FAM53C: variants seen among roughly 807,000 people sequenced by gnomAD.
The protein encoded by FAM53C is protein FAM53C.
In FAM53C, 10 loss-of-function variants were observed where a neutral mutation model predicts 34.7. The observed-to-expected ratio is 0.29, with a 90% CI of 0.18 to 0.49. FAM53C has a LOEUF of 0.49. FAM53C is among the 20% of genes least tolerant of loss of function. FAM53C has a pLI of 0.99. For synonymous variants in FAM53C, 203 were observed against 203.6 expected, an observed-to-expected ratio of 1.00 and a Z score of 0.03; for missense variants, 442 against 515.3, an observed-to-expected ratio of 0.86 and a Z score of 1.38.
At position 138,345,168 on chromosome 5, in the gene FAM53C, C is replaced by T. The variant is rs765171056; in HGVS notation, c.480C>T (p.His160=). Residue 160 remains histidine, a synonymous_variant, in exon 4 of 5, where the codon CAC becomes CAT. Coordinates refer to ENST00000239906, the MANE Select transcript of FAM53C (RefSeq NM_016605.3). The surrounding 1 kb of genome is among the most constrained non-coding windows in gnomAD (Gnocchi z 6.3). ...SGGGGGPQVP[H]QSPPKRVSSL... ...GAGGGGGTGGGCCGCAGGTGCCTCACCAGAGCCCCCCAAAGCGGGTCTCCA... is the reference window on the plus strand; with the variant it reads ...GAGGGGGTGGGCCGCAGGTGCCTCATCAGAGCCCCCCAAAGCGGGTCTCCA... The T allele has an allele frequency of 1.9e-6, 3 of 1,614,218 alleles. No individual in the cohort carries two copies. Among genetic ancestry groups the T allele is most frequent in the South Asian group, 2.2e-5 (2 of 91,090 alleles).
At chr5:138,343,510 CAAAA>C (rs548727260) in intron 3 of FAM53C, among the ~76,000 whole-genome samples, 90 of 77,178 alleles carry the variant, frequency 1.2e-3, no homozygotes, top group African/African-American at 4.3e-3. Flanking sequence ...GATTCCATCT[CAAAA>C]AAAAAAAAAA....
At chr5:138,339,604 C>T (rs1760966818) in intron 1 of FAM53C, among the ~76,000 whole-genome samples, 1 of 151,758 alleles carries the variant, frequency 6.6e-6, no homozygotes, top group African/African-American at 2.4e-5. Flanking sequence ...GGGTAAAATC[C>T]TGCACTTAGG....
Position 138,345,705 on chromosome 5 carries a change from C to A in FAM53C, c.921+96C>A, listed in dbSNP as rs1489282973. The A allele has an allele frequency of 7.1e-7, 1 of 1,400,608 alleles. No individual in the cohort carries two copies. Among genetic ancestry groups the A allele is most frequent in the Non-Finnish European group, 9.7e-7 (1 of 1,031,014 alleles). The allele number at this position is 1,400,608 out of a possible 1,614,324, so 86.8% of individuals were successfully genotyped here. A position where few individuals can be genotyped will look rare whatever the true frequency, so the allele number is the denominator to read the frequency against. ...CCCCTAGCTTCATTACCCTGCCGCC[C>A]CCACCACCAACAGCACCTCCTTTAG... On this transcript the variant is annotated intron_variant, in intron 4 of 4. Coordinates refer to ENST00000239906, the MANE Select transcript of FAM53C (RefSeq NM_016605.3). This position sits in a 1 kb window ranked among gnomAD's most constrained non-coding sequence, Gnocchi z 6.3.
rs1761208308 is a variant in FAM53C at position 138,347,330 on chromosome 5, G to T, written c.*371G>T. ...CACTTGTGTCTTAGAATTTGGCCAG[G>T]GTGGGGGGTTGAGTCAGCCTCCTCA... On this transcript the variant is annotated 3_prime_UTR_variant, in exon 5 of 5. Coordinates refer to ENST00000239906, the MANE Select transcript of FAM53C (RefSeq NM_016605.3). 1 of 298,464 alleles carries T rather than the reference G, an allele frequency of 3.4e-6. No homozygotes were observed. Among genetic ancestry groups the T allele is most frequent in the Non-Finnish European group, 6.4e-6 (1 of 156,316 alleles). The allele number at this position is 298,464 out of a possible 1,614,324, so 18.5% of individuals were successfully genotyped here.
chr5:138,345,707 C>T lies in FAM53C; in HGVS notation c.921+98C>T, dbSNP rs1644622443. ...CCTAGCTTCATTACCCTGCCGCCCCCACCACCAACAGCACCTCCTTTAGCT... is the reference window on the plus strand; with the variant it reads ...CCTAGCTTCATTACCCTGCCGCCCCTACCACCAACAGCACCTCCTTTAGCT... On this transcript the variant is annotated intron_variant, in intron 4 of 4. Transcript: ENST00000239906. The surrounding 1 kb of genome is among the most constrained non-coding windows in gnomAD (Gnocchi z 6.3). The T allele has an allele frequency of 6.6e-6, 9 of 1,363,774 alleles. No individual in the cohort carries two copies. The South Asian group carries it at 9.8e-5, about 15-fold the overall frequency. The allele number at this position is 1,363,774 out of a possible 1,614,324, so 84.5% of individuals were successfully genotyped here.
In FAM53C at chr5:138,346,740, C is replaced by T; in HGVS notation, c.960C>T (p.Ala320=). 6.2e-7 allele frequency: 1 copy of T among 1,614,164 alleles called. No homozygotes were observed. The highest frequency in any genetic ancestry group is 8.5e-7 in the Non-Finnish European group (1 of 1,180,044). ...GAGGTCTTTGTCTCCAAGAAACAGC[C>T]CGGGAAGGCAGCAGCATCTCTCCAC... ...YSGGLCLQET[A]REGSSISPPW... is the part of the protein sequence containing the mutation. The change falls in exon 5 of 5, where the codon GCC becomes GCT. Residue 320 remains alanine (A), a synonymous_variant. Coordinates refer to ENST00000239906, the MANE Select transcript of FAM53C (RefSeq NM_016605.3).
chr5:138,341,264 G>C lies in FAM53C; in HGVS notation c.-72G>C, dbSNP rs947238443. ...GTGGCAGAAGACGGCTCACAAGTGA[G>C]GTCTGGAAGAACAACAGGGAAGACA... On this transcript the variant is annotated 5_prime_UTR_variant, in exon 2 of 5. Transcript: ENST00000239906. 2.3e-5 allele frequency: 30 copies of C among 1,288,472 alleles called. No individual in the cohort carries two copies. Among genetic ancestry groups the C allele is most frequent in the Non-Finnish European group, 3.2e-5 (28 of 883,456 alleles). 79.8% of individuals were successfully genotyped at this position (1,288,472 alleles called of 1,614,324 possible).
chr5:138,346,691 T>A lies in FAM53C; in HGVS notation c.922-11T>A. On this transcript the variant is annotated splice_polypyrimidine_tract_variant and intron_variant, in intron 4 of 4. Coordinates refer to ENST00000239906, the MANE Select transcript of FAM53C (RefSeq NM_016605.3). ...CTTCAGGTGTAACTGTCTTCTTTGTTTGTTTGACAGAAACCATACTCAGGA... is the reference window on the plus strand; with the variant it reads ...CTTCAGGTGTAACTGTCTTCTTTGTATGTTTGACAGAAACCATACTCAGGA... 1 of 1,614,014 alleles carries A rather than the reference T, an allele frequency of 6.2e-7. No individual in the cohort carries two copies. Among genetic ancestry groups the A allele is most frequent in the Non-Finnish European group, 8.5e-7 (1 of 1,179,992 alleles).
In FAM53C at chr5:138,347,657, CTTT is replaced by C. The variant is rs1761219105; in HGVS notation, c.*700_*702del. 6.6e-6 allele frequency: 1 copy of C among 152,014 alleles called. No homozygotes were observed. Among genetic ancestry groups the C allele is most frequent in the Non-Finnish European group, 1.5e-5 (1 of 68,186 alleles). 9.4% of individuals were successfully genotyped at this position (152,014 alleles called of 1,614,324 possible). ...AAGTGCTGTGACTTCAGCTAATGAT[CTTT>C]TCTTCAGCCCCACCCCCTCCCCACT... is the stretch of plus-strand genomic sequence containing the variant. On this transcript the variant is annotated 3_prime_UTR_variant, in exon 5 of 5. Transcript: ENST00000239906.
At chr5:138,343,504 C>A (rs1264099906) in intron 3 of FAM53C, among the ~76,000 whole-genome samples, 1 of 149,930 alleles carries the variant, frequency 6.7e-6, no homozygotes, top group Non-Finnish European at 1.5e-5. Flanking sequence ...GAGCGAGATT[C>A]CATCTCAAAA....
chr5:138,348,193 G>A lies in FAM53C; in HGVS notation c.*1234G>A, dbSNP rs1761233046. The A allele has an allele frequency of 6.5e-6, 1 of 152,676 alleles. No individual in the cohort carries two copies. The highest frequency in any genetic ancestry group is 2.1e-4 in the South Asian group (1 of 4,822). The allele number at this position is 152,676 out of a possible 1,614,324, so 9.5% of individuals were successfully genotyped here. ...CTAATTGGGCCTGAGAGACCATAGG[G>A]AGGTTGGGGCTCACTGAGGGATTGG... On this transcript the variant is annotated 3_prime_UTR_variant, in exon 5 of 5. Coordinates refer to ENST00000239906, the MANE Select transcript of FAM53C (RefSeq NM_016605.3).
chr5:138,338,432 T>G (rs1760887806), intron 1 of FAM53C, 125 bp downstream of exon 1: 2 of 340,508 alleles, frequency 5.9e-6, no homozygotes, highest in African/African-American at 2.3e-5. Context: ...TGGCCGCCTC[T>G]GCGGGGAGAG....
chr5:138,341,773 G>A (rs1761040020), intron 2 of FAM53C, 36 bp from the exon 3 acceptor site: 1 of 1,602,998 alleles, frequency 6.2e-7, no homozygotes, highest in East Asian at 2.2e-5. Context: ...AGTGTGTCCT[G>A]AATCCAAATC....
At chr5:138,346,564 C>G in intron 4 of FAM53C, 138 bp from the exon 5 acceptor site, 12 of 1,048,552 alleles carry the variant, frequency 1.1e-5, no homozygotes, top group Non-Finnish European at 1.5e-5. Context: ...GCAGAGCTTG[C>G]AGTGAGCCAA....
rs1335429098 is a variant in FAM53C at position 138,346,864 on chromosome 5, G to A, written c.1084G>A (p.Gly362Arg). The change falls in exon 5 of 5, where the codon GGG (glycine) becomes AGG (arginine). Residue 362 changes from glycine to arginine, a missense_variant. By Grantham distance (125) the Gly-to-Arg change is moderately radical. Coordinates refer to ENST00000239906, the MANE Select transcript of FAM53C (RefSeq NM_016605.3). ...VLSESEEEEE[G>R]AVRWGRQALS... ...GAGTGAAAGCGAAGAGGAGGAGGAG[G>A]GGGCTGTGCGGTGGGGTCGGCAGGC... 7 of 1,614,046 alleles carry A rather than the reference G, an allele frequency of 4.3e-6. No individual in the cohort carries two copies. Among genetic ancestry groups the A allele is most frequent in the African/African-American group, 1.3e-5 (1 of 74,938 alleles).
chr5:138,343,942 G>A (rs1001974600), intron 3 of FAM53C, among the ~76,000 whole-genome samples: 1 of 152,112 alleles, frequency 6.6e-6, no homozygotes, highest in Admixed American at 6.5e-5. Context: ...GTCTGACTTC[G>A]TATACTTGTC....
intron 3 of FAM53C, among the ~76,000 whole-genome samples, chr5:138,343,447 T>C (rs1761086817): frequency 6.6e-6 from 1 of 151,282 alleles, no homozygotes. Context: ...GAGGCGGAGG[T>C]TGCAGTGAGC....
At chr5:138,346,196 C>G (rs1226163290) in intron 4 of FAM53C, among the ~76,000 whole-genome samples, 1 of 152,214 alleles carries the variant, frequency 6.6e-6, no homozygotes, top group East Asian at 1.9e-4. Context: ...AGTCGTCCAT[C>G]CCATCTGCAA....
At chr5:138,344,721 T>A in intron 3 of FAM53C, 104 bp from the exon 4 acceptor site, 1 of 1,055,270 alleles carries the variant, frequency 9.5e-7, no homozygotes, top group East Asian at 2.7e-5. Context: ...ATAAGGTTTT[T>A]GGAAATTTTC....
Sources: gnomAD v4.1 joint callset for allele counts (sites outside exome capture counted in the v4.1 genomes callset) on GRCh38, gnomAD v4.1.1 for gene constraint, Gnocchi (gnomAD v3.1) non-coding constraint, MANE v1.5 for transcripts, NCBI Gene and HGNC (gene_info 2026-07-23, HGNC 2026-07-21) for gene names.